Variants in ZBTB46 observed in about 807,000 individuals in gnomAD.
ZBTB46 encodes the protein zinc finger and BTB domain-containing protein 46.
ZBTB46 carries 8 observed loss-of-function variants against 44.1 expected under a neutral mutation model. The observed-to-expected ratio is 0.18, with a 90% CI of 0.11 to 0.33. The LOEUF (loss-of-function observed/expected upper bound fraction) is 0.33. Among genes scored for constraint, ZBTB46 ranks in the 10% least tolerant of loss-of-function variants. ZBTB46 has a pLI of 1.00. For missense variants in ZBTB46, 651 were observed against 847.7 expected, an observed-to-expected ratio of 0.77 and a Z score of 2.88; for synonymous variants, 409 against 382.3, an observed-to-expected ratio of 1.07 and a Z score of -0.81.
chr20:63,754,755 A>G (rs1233999828), intron 3 of ZBTB46, among the ~76,000 whole-genome samples: 1 of 151,826 alleles, frequency 6.6e-6, no homozygotes, highest in African/African-American at 2.4e-5. Context: ...GCCCGCCACC[A>G]CACCCAGCTA....
chr20:63,776,485 A>G (rs2092426678), intron 2 of ZBTB46, among the ~76,000 whole-genome samples: 1 of 152,186 alleles, frequency 6.6e-6, no homozygotes, highest in South Asian at 2.1e-4. Flanking sequence ...ATCAAAATTA[A>G]ATGTCTGTGC....
At chr20:63,766,453 T>A (rs899647115) in intron 3 of ZBTB46, among the ~76,000 whole-genome samples, 1 of 150,742 alleles carries the variant, frequency 6.6e-6, no homozygotes, top group African/African-American at 2.4e-5. Flanking sequence ...CGACCTCAGG[T>A]GATCCGCCCA....
intron 1 of ZBTB46, among the ~76,000 whole-genome samples, chr20:63,797,484 G>T (rs1466959149): frequency 6.6e-6 from 1 of 152,144 alleles, no homozygotes; most frequent in Non-Finnish European, 1.5e-5. Context: ...TGTCTTTATA[G>T]CAACATGATT....
chr20:63,746,961 C>T lies in ZBTB46; in HGVS notation c.1739G>A (p.Gly580Asp), dbSNP rs1447737572. 6 of 1,589,014 alleles carry T rather than the reference C, an allele frequency of 3.8e-6. No homozygotes were observed. The highest frequency in any genetic ancestry group is 1.7e-4 in the Middle Eastern group (1 of 5,978). Residue 580 changes from glycine (G) to aspartate (D), a missense_variant, in exon 5 of 5, where the codon GGC (glycine) becomes GAC (aspartate). Coordinates refer to ENST00000245663, the MANE Select transcript of ZBTB46 (RefSeq NM_001369741.1). Reference sequence around the variant, plus strand: ...GAGCCAGGCGAAGTCCTTGTCAGGGCCTCCTGGGGGGCTGCGCGGCCGCGG... The same window carrying T: ...GAGCCAGGCGAAGTCCTTGTCAGGGTCTCCTGGGGGGCTGCGCGGCCGCGG... The part of the protein sequence containing the change: ...DSPRPRSPPG[G>D]PDKDFAWLS
At chr20:63,805,045 T>C (rs73624724) in intron 1 of ZBTB46, among the ~76,000 whole-genome samples, 26,776 of 150,554 alleles carry the variant, frequency 0.18, 2,894 homozygotes, top group East Asian at 0.44. Flanking sequence ...CTCAGCCTCC[T>C]GAGTAGCTGA....
intron 4 of ZBTB46, among the ~76,000 whole-genome samples, chr20:63,750,929 A>AC (rs1316533394): frequency 6.6e-6 from 1 of 151,956 alleles, no homozygotes; most frequent in Non-Finnish European, 1.5e-5. Context: ...ACAAACCCTA[A>AC]CCCTATCCAA....
At position 63,801,216 on chromosome 20, in the gene ZBTB46, T is replaced by A. The variant is rs138812747; in HGVS notation, c.-33-10426A>T. ...AGCTGAGGGATTGTAAATACACCAA[T>A]CAGCACTCTGTATCTGGCTCAAGGT... On this transcript the variant is annotated intron_variant, in intron 1 of 4. Coordinates refer to ENST00000245663, the MANE Select transcript of ZBTB46 (RefSeq NM_001369741.1). Among the ~76,000 whole-genome samples, 1,084 of 152,252 alleles carry A rather than the reference T, an allele frequency of 7.1e-3. 4 individuals are homozygous for A. The highest frequency in any genetic ancestry group is 0.024 in the African/African-American group (1,011 of 41,542).
intron 1 of ZBTB46, among the ~76,000 whole-genome samples, 153 bp downstream of exon 1, chr20:63,830,944 G>A (rs898045241): frequency 7.0e-6 from 1 of 142,396 alleles, no homozygotes; most frequent in Non-Finnish European, 1.6e-5. Flanking sequence ...CCCCCGGGAG[G>A]GCGCCCCCGC....
intron 2 of ZBTB46, among the ~76,000 whole-genome samples, chr20:63,786,019 T>C (rs753726806): frequency 1.3e-5 from 2 of 152,202 alleles, no homozygotes; most frequent in African/African-American, 4.8e-5. Context: ...ACTCTCATAA[T>C]ACAAAGGCCT....
rs996393439 is a variant in ZBTB46, at chr20:63,767,240, ACTT to A, written c.1222+8435_1222+8437del. ...TGCTGGGTCGGAGCCACGTGGCTCC[ACTT>A]CCCACGGATGGGGACATGTTTTCCC... On this transcript the variant is annotated intron_variant, in intron 3 of 4. Transcript: ENST00000245663. This position sits in a 1 kb window ranked among gnomAD's most constrained non-coding sequence, Gnocchi z 5.0. Among the ~76,000 whole-genome samples, 4 of 152,142 alleles carry A rather than the reference ACTT, an allele frequency of 2.6e-5. No homozygotes were observed. Among genetic ancestry groups the A allele is most frequent in the Non-Finnish European group, 5.9e-5 (4 of 67,988 alleles).
upstream of ZBTB46, among the ~76,000 whole-genome samples, chr20:63,832,769 A>G (rs992808072): frequency 6.6e-6 from 1 of 151,898 alleles, no homozygotes; most frequent in Non-Finnish European, 1.5e-5. This position sits in a 1 kb window ranked among gnomAD's most constrained non-coding sequence, Gnocchi z 5.0. Flanking sequence ...CTGAAACTGT[A>G]GCCCCAGCCT....
chr20:63,800,584 G>C (rs370869221), intron 1 of ZBTB46, among the ~76,000 whole-genome samples: 2 of 152,244 alleles, frequency 1.3e-5, no homozygotes, highest in African/African-American at 2.4e-5. Flanking sequence ...GGCGGGAACC[G>C]GGGCTGCGTG....
intron 3 of ZBTB46, among the ~76,000 whole-genome samples, chr20:63,773,511 G>A (rs1568851310): frequency 6.6e-6 from 1 of 152,234 alleles, no homozygotes; most frequent in African/African-American, 2.4e-5. Flanking sequence ...GTGTGTTGGG[G>A]TCCCTGCCCT....
chr20:63,767,852 G>A lies in ZBTB46; in HGVS notation c.1222+7826C>T. The A allele has an allele frequency of 1.0e-6, 1 of 982,258 alleles. No homozygotes were observed. The allele number at this position is 982,258 out of a possible 1,614,324, so 60.8% of individuals were successfully genotyped here. On this transcript the variant is annotated intron_variant, in intron 3 of 4. Coordinates refer to ENST00000245663, the MANE Select transcript of ZBTB46 (RefSeq NM_001369741.1). The surrounding 1 kb of genome is among the most constrained non-coding windows in gnomAD (Gnocchi z 5.0). Reference sequence around the variant, plus strand: ...GGCTGGGCAAGTCCATCCAGGCCTGGGCTGGAAGAAGACTCCTCAGGCATC... The same window carrying A: ...GGCTGGGCAAGTCCATCCAGGCCTGAGCTGGAAGAAGACTCCTCAGGCATC...
At position 63,820,895 on chromosome 20, in the gene ZBTB46, AT is replaced by A. The variant is rs57955289; in HGVS notation, c.-34+10201del. ...AGGTGTCTGCCCCCATGCATGGCTA[AT>A]TTTTTTTTTTTTTTAGATGGAGTTT... On this transcript the variant is annotated intron_variant, in intron 1 of 4. Transcript: ENST00000245663. Among the ~76,000 whole-genome samples the A allele has an allele frequency of 6.4e-3, 908 of 142,038 alleles. 2 individuals are homozygous for A. Among genetic ancestry groups the A allele is most frequent in the African/African-American group, 7.3e-3 (286 of 38,924 alleles). 93.2% of individuals were successfully genotyped at this position (142,038 alleles called of 152,430 possible).
intron 3 of ZBTB46, among the ~76,000 whole-genome samples, chr20:63,755,544 G>A (rs1290816342): frequency 6.6e-6 from 1 of 152,200 alleles, no homozygotes; most frequent in African/African-American, 2.4e-5. Context: ...CTCATTTTGA[G>A]ATCCTTTATC....
intron 3 of ZBTB46, chr20:63,769,310 T>C: frequency 1.0e-6 from 1 of 985,352 alleles, no homozygotes; most frequent in Non-Finnish European, 1.2e-6. Flanking sequence ...CCAGAGCTCA[T>C]CCTGTGGCTC....
chr20:63,767,580 C>A lies in ZBTB46; in HGVS notation c.1222+8098G>T, dbSNP rs1157892757. ...AGCTGCACCCAGCTGGAGCCCGGGA[C>A]CCGGACGCCAAAGCTCTGGCCGCAG... On this transcript the variant is annotated intron_variant, in intron 3 of 4. Coordinates refer to ENST00000245663, the MANE Select transcript of ZBTB46 (RefSeq NM_001369741.1). The surrounding 1 kb of genome is among the most constrained non-coding windows in gnomAD (Gnocchi z 5.0). Among the ~76,000 whole-genome samples the A allele has an allele frequency of 6.6e-6, 1 of 152,222 alleles. No individual in the cohort carries two copies. The highest frequency in any genetic ancestry group is 1.9e-4 in the East Asian group (1 of 5,196).
chr20:63,820,539 G>A (rs1009559835), intron 1 of ZBTB46, among the ~76,000 whole-genome samples: 1 of 150,754 alleles, frequency 6.6e-6, no homozygotes, highest in African/African-American at 2.4e-5. Context: ...CAGTTCAAGC[G>A]ATTCTCCTGC....
Sources: allele counts gnomAD v4.1 joint callset (sites outside exome capture counted in the v4.1 genomes callset), GRCh38; gene constraint gnomAD v4.1.1; non-coding constraint Gnocchi (gnomAD v3.1); transcripts MANE v1.5; gene names NCBI Gene and HGNC (gene_info 2026-07-23, HGNC 2026-07-21).